NCOA7: variants seen among roughly 807,000 people sequenced by gnomAD.
NCOA7 encodes the protein nuclear receptor coactivator 7.
In NCOA7, 45 loss-of-function variants were observed where a neutral mutation model predicts 104.3. The observed-to-expected ratio is 0.43, with a 90% CI of 0.34 to 0.55. The LOEUF is 0.55. NCOA7 is among the 20% of genes least tolerant of loss of function. The probability of loss-of-function intolerance (pLI) is 0.02; values close to 1 mark genes in which losing one functional copy is unlikely to be tolerated. For missense variants in NCOA7, 1,041 were observed against 1,119.7 expected, an observed-to-expected ratio of 0.93 and a Z score of 1.00; for synonymous variants, 398 against 402.3, an observed-to-expected ratio of 0.99 and a Z score of 0.13.
intron 1 of NCOA7, among the ~76,000 whole-genome samples, chr6:125,785,634 G>T (rs953806798): frequency 1.3e-5 from 2 of 152,008 alleles, no homozygotes; most frequent in Non-Finnish European, 2.9e-5. Context: ...TTATATTTTA[G>T]CACCAATGTT....
chr6:125,799,007 G>T (rs970796852), intron 1 of NCOA7, among the ~76,000 whole-genome samples: 1 of 152,038 alleles, frequency 6.6e-6, no homozygotes, highest in African/African-American at 2.4e-5. Context: ...TCAGCCCCAA[G>T]CCTGTTTCTT....
chr6:125,814,598 G>A (rs1249351091), intron 1 of NCOA7, among the ~76,000 whole-genome samples: 1 of 152,212 alleles, frequency 6.6e-6, no homozygotes, highest in Non-Finnish European at 1.5e-5. Flanking sequence ...GAGCAGGGGA[G>A]TGGCATGATA....
chr6:125,829,430 C>G (rs773043196), intron 2 of NCOA7, among the ~76,000 whole-genome samples: 7 of 152,138 alleles, frequency 4.6e-5, no homozygotes, highest in Non-Finnish European at 7.4e-5. Context: ...TAAGTGAGGA[C>G]CAATCATTCA....
chr6:125,905,975 G>A (rs9482713), intron 10 of NCOA7, among the ~76,000 whole-genome samples: 23,114 of 151,706 alleles, frequency 0.15, 1,906 homozygotes, highest in East Asian at 0.23. Context: ...GCTAATTTTC[G>A]TATTTTTAGT....
chr6:125,805,219 C>T (rs1363410070), intron 1 of NCOA7, among the ~76,000 whole-genome samples: 4 of 151,460 alleles, frequency 2.6e-5, no homozygotes, highest in Non-Finnish European at 5.9e-5. Context: ...CCTCAGCCTC[C>T]TGAGTAGCTG....
intron 10 of NCOA7, among the ~76,000 whole-genome samples, chr6:125,902,216 C>T (rs1785568327): frequency 6.6e-6 from 1 of 152,172 alleles, no homozygotes; most frequent in South Asian, 2.1e-4. Context: ...TATTTCTCTG[C>T]CTCCTGTCTA....
chr6:125,884,955 A>G (rs949002276), intron 7 of NCOA7, among the ~76,000 whole-genome samples: 1 of 152,198 alleles, frequency 6.6e-6, no homozygotes. Flanking sequence ...TCAGTGAGCC[A>G]CATCTGTTTT....
intron 3 of NCOA7, among the ~76,000 whole-genome samples, chr6:125,862,037 CAAAAAAAAAAAAAA>C (rs56389001): frequency 9.4e-5 from 6 of 63,756 alleles, no homozygotes; most frequent in Admixed American, 1.6e-4. Flanking sequence ...AACTCTTTCT[CAAAAAAAAAAAAAA>C]AAAAAAAAAA....
At chr6:125,913,659 C>G (rs1238320212) in intron 10 of NCOA7, 2 of 984,070 alleles carry the variant, frequency 2.0e-6, no homozygotes, top group Non-Finnish European at 2.4e-6. Flanking sequence ...GGAGAACTCT[C>G]TAAAGAAATA....
chr6:125,814,452 C>G (rs576953464), intron 1 of NCOA7, among the ~76,000 whole-genome samples: 209 of 152,228 alleles, frequency 1.4e-3, no homozygotes, highest in African/African-American at 4.7e-3. Flanking sequence ...CACCGCACAG[C>G]CTGCTTTTTT....
At chr6:125,839,447 G>C (rs56383808) in intron 2 of NCOA7, among the ~76,000 whole-genome samples, 10,998 of 151,182 alleles carry the variant, frequency 0.073, 479 homozygotes, top group Non-Finnish European at 0.096. Context: ...TCTATCTGCT[G>C]TCCCCTCCCC....
chr6:125,798,992 A>G (rs755027047), intron 1 of NCOA7, among the ~76,000 whole-genome samples: 1 of 152,104 alleles, frequency 6.6e-6, no homozygotes, highest in Non-Finnish European at 1.5e-5. Context: ...TGCTTTAGGT[A>G]TAGATCAGCC....
chr6:125,839,604 A>G (rs1017163688), intron 2 of NCOA7, among the ~76,000 whole-genome samples: 3 of 152,054 alleles, frequency 2.0e-5, no homozygotes. Flanking sequence ...AATACAAAAG[A>G]CGCTCTTTAT....
At chr6:125,927,614 T>G (rs1442615095) in intron 13 of NCOA7, 49 bp from the exon 14 acceptor site, 2 of 1,380,718 alleles carry the variant, frequency 1.4e-6, no homozygotes, top group South Asian at 2.3e-5. Flanking sequence ...AGCCTTGCTT[T>G]GGGGATTTAG....
chr6:125,922,673 G>A lies in NCOA7; in HGVS notation c.2371-9G>A. On this transcript the variant is annotated splice_polypyrimidine_tract_variant and intron_variant, in intron 12 of 15. Coordinates refer to ENST00000392477, the MANE Select transcript of NCOA7 (RefSeq NM_181782.5). ...CCTTCTGTTTACATCTCTTCCTTTGGCTTTGTAGCTGGCCCGACGCCTTCC... is the reference window on the plus strand; with the variant it reads ...CCTTCTGTTTACATCTCTTCCTTTGACTTTGTAGCTGGCCCGACGCCTTCC... The A allele has an allele frequency of 6.2e-7, 1 of 1,610,074 alleles. No homozygotes were observed.
At chr6:125,813,914 T>G (rs1777320968) in intron 1 of NCOA7, among the ~76,000 whole-genome samples, 2 of 74,442 alleles carry the variant, frequency 2.7e-5, no homozygotes, top group African/African-American at 3.8e-5. Flanking sequence ...TAAATTTAGC[T>G]AATTAAGTAT....
chr6:125,801,534 A>C (rs1775886968), intron 1 of NCOA7, among the ~76,000 whole-genome samples: 2 of 152,164 alleles, frequency 1.3e-5, no homozygotes. Context: ...AAAGTACCAG[A>C]AGCTGGTGGC....
intron 2 of NCOA7, among the ~76,000 whole-genome samples, chr6:125,833,592 GA>G (rs1450347755): frequency 9.3e-5 from 14 of 149,826 alleles, no homozygotes; most frequent in African/African-American, 1.7e-4. Context: ...AAAGGAAAGG[GA>G]GGGGGGGAGG....
Position 125,928,972 on chromosome 6 carries a change from T to A in NCOA7, c.*201T>A. Reference sequence around the variant, plus strand: ...AGGGCAGACATTGAAGAAAGAAACTTAAAATCCAGGTTGTTGAAAAGACTT... The same window carrying A: ...AGGGCAGACATTGAAGAAAGAAACTAAAAATCCAGGTTGTTGAAAAGACTT... On this transcript the variant is annotated 3_prime_UTR_variant, in exon 16 of 16. Coordinates refer to ENST00000392477, the MANE Select transcript of NCOA7 (RefSeq NM_181782.5). The A allele has an allele frequency of 2.0e-6, 1 of 496,492 alleles. No individual in the cohort carries two copies. Among genetic ancestry groups the A allele is most frequent in the Non-Finnish European group, 3.4e-6 (1 of 297,266 alleles). The allele number at this position is 496,492 out of a possible 1,614,324, so 30.8% of individuals were successfully genotyped here.
Sources: allele counts gnomAD v4.1 joint callset (sites outside exome capture counted in the v4.1 genomes callset), GRCh38; gene constraint gnomAD v4.1.1; transcripts MANE v1.5; gene names NCBI Gene and HGNC (gene_info 2026-07-23, HGNC 2026-07-21).